DGKI: variants seen among roughly 807,000 people sequenced by gnomAD.
DGKI encodes diacylglycerol kinase iota.
In DGKI, 55 loss-of-function variants were observed where a neutral mutation model predicts 147.5. The ratio of observed to expected loss-of-function variants is 0.37; its 90% CI spans 0.30 to 0.47. DGKI has a LOEUF of 0.47. Among genes scored for constraint, DGKI ranks in the 20% least tolerant of loss-of-function variants. The probability of loss-of-function intolerance (pLI) is 1.00; values close to 1 mark genes in which losing one functional copy is unlikely to be tolerated. For missense variants in DGKI, 1,007 were observed against 1,323.8 expected (o/e 0.76, Z 3.71); for synonymous variants, 469 against 477.1 (o/e 0.98, Z 0.22).
intron 6 of DGKI, among the ~76,000 whole-genome samples, chr7:137,637,335 C>T (rs1458879096): frequency 6.6e-6 from 1 of 152,170 alleles, no homozygotes; most frequent in Admixed American, 6.5e-5. Flanking sequence ...TAATAATATG[C>T]CTATCTTTTT....
intron 23 of DGKI, among the ~76,000 whole-genome samples, chr7:137,472,563 T>C (rs1286890389): frequency 1.3e-5 from 2 of 149,894 alleles, no homozygotes; most frequent in African/African-American, 4.9e-5. Context: ...AATCTTGACA[T>C]GTGCTTAGTA....
chr7:137,395,743 G>A (rs368986784), intron 31 of DGKI, 46 bp from the exon 32 acceptor site: 2 of 1,580,450 alleles, frequency 1.3e-6, no homozygotes, highest in Admixed American at 1.7e-5. Context: ...GGGGTTGGAG[G>A]CAGCAGGGAA....
chr7:137,472,852 T>C (rs1238080528), intron 23 of DGKI, among the ~76,000 whole-genome samples: 1 of 152,096 alleles, frequency 6.6e-6, no homozygotes, highest in Non-Finnish European at 1.5e-5. Flanking sequence ...AAGGACACTT[T>C]CTGCATTTTG....
intron 1 of DGKI, among the ~76,000 whole-genome samples, chr7:137,734,290 T>C (rs1585423169): frequency 6.6e-6 from 1 of 152,150 alleles, no homozygotes; most frequent in East Asian, 1.9e-4. Flanking sequence ...AATCTAAAAA[T>C]CTACAGAATG....
intron 3 of DGKI, among the ~76,000 whole-genome samples, chr7:137,659,503 A>G (rs1173932465): frequency 1.3e-5 from 2 of 152,248 alleles, no homozygotes; most frequent in Non-Finnish European, 2.9e-5. Flanking sequence ...GTTCCCAGCT[A>G]TACACAAAGG....
At chr7:137,722,472 G>C in intron 1 of DGKI, 1 of 1,610,192 alleles carries the variant, frequency 6.2e-7, no homozygotes, top group Non-Finnish European at 8.5e-7. Context: ...GCAAGAGGGT[G>C]GTTTTCCTGA....
At chr7:137,599,972 A>T (rs1462737208) in intron 10 of DGKI, 67 bp from the exon 11 acceptor site, 3 of 1,309,930 alleles carry the variant, frequency 2.3e-6, no homozygotes, top group African/African-American at 3.0e-5. Context: ...CTGCTCATTT[A>T]AAAAATAAAT....
At chr7:137,524,243 G>T (rs1056295914) in intron 20 of DGKI, among the ~76,000 whole-genome samples, 24 of 152,070 alleles carry the variant, frequency 1.6e-4, no homozygotes, top group African/African-American at 5.8e-4. Context: ...AATTATATAT[G>T]GCATAAGCTC....
intron 10 of DGKI, 26 bp from the exon 11 acceptor site, chr7:137,599,931 G>A (rs369989075): frequency 6.4e-7 from 1 of 1,569,852 alleles, no homozygotes; most frequent in African/African-American, 1.4e-5. Context: ...ACACAAAAAG[G>A]CAATAATAGG....
chr7:137,585,186 T>C (rs1374741637), intron 14 of DGKI, 23 bp downstream of exon 14: 3 of 1,613,798 alleles, frequency 1.9e-6, no homozygotes, highest in South Asian at 2.2e-5. Flanking sequence ...GGCTCCTTTC[T>C]GCAGAACAAA....
chr7:137,730,866 A>G (rs1427249369), intron 1 of DGKI, among the ~76,000 whole-genome samples: 1 of 152,038 alleles, frequency 6.6e-6, no homozygotes, highest in Non-Finnish European at 1.5e-5. Context: ...ATTAATGTAA[A>G]AGGTACAATA....
chr7:137,786,925 T>C (rs1219657364), intron 1 of DGKI, among the ~76,000 whole-genome samples: 2 of 152,124 alleles, frequency 1.3e-5, no homozygotes, highest in African/African-American at 4.8e-5. Flanking sequence ...AAGTCACATG[T>C]AGCAGAATGA....
intron 23 of DGKI, among the ~76,000 whole-genome samples, chr7:137,472,399 T>TATATGTATATATACATATTATA (rs1815009258): frequency 1.8e-5 from 2 of 108,744 alleles, no homozygotes; most frequent in African/African-American, 4.5e-5. Context: ...ATATTATAAT[T>TATATGTATATATACATATTATA]ATTATATGTA....
intron 28 of DGKI, among the ~76,000 whole-genome samples, chr7:137,412,861 T>C (rs1313006196): frequency 5.3e-5 from 8 of 151,826 alleles, no homozygotes; most frequent in African/African-American, 9.7e-5. Flanking sequence ...ATGATTCTTA[T>C]GGAAAAAAAA....
rs113872475 is a variant in DGKI, at chr7:137,719,743, C to CT, written c.402-29742dup. On this transcript the variant is annotated intron_variant, in intron 1 of 32. Coordinates refer to ENST00000614521, the MANE Select transcript of DGKI (RefSeq NM_001321708.2). ...ACTCTCTAGCTGGAATTTACCTTTA[C>CT]TTTGTCATTTCTGTTACTCAGGCCT... 2.8e-3 allele frequency among the ~76,000 whole-genome samples: 434 copies of CT among 152,282 alleles called. 2 individuals are homozygous for CT. The highest frequency in any genetic ancestry group is 0.01 in the African/African-American group (423 of 41,550).
At chr7:137,501,470 C>A (rs781223480) in intron 21 of DGKI, among the ~76,000 whole-genome samples, 3 of 152,134 alleles carry the variant, frequency 2.0e-5, no homozygotes, top group Non-Finnish European at 4.4e-5. Context: ...GGTGGCCATA[C>A]TAATTTACAT....
intron 19 of DGKI, among the ~76,000 whole-genome samples, chr7:137,564,236 A>G (rs1818509964): frequency 6.6e-6 from 1 of 152,198 alleles, no homozygotes; most frequent in Admixed American, 6.5e-5. Context: ...TTTGAGCTGA[A>G]TCATATACTT....
chr7:137,533,372 C>T (rs992176393), intron 20 of DGKI, among the ~76,000 whole-genome samples: 1 of 151,864 alleles, frequency 6.6e-6, no homozygotes, highest in Non-Finnish European at 1.5e-5. Flanking sequence ...TTTGATGCTA[C>T]AAATACTAAA....
At chr7:137,565,827 A>G (rs1004774971) in intron 19 of DGKI, among the ~76,000 whole-genome samples, 4 of 152,204 alleles carry the variant, frequency 2.6e-5, no homozygotes, top group South Asian at 2.1e-4. Flanking sequence ...TAATCAGATT[A>G]CCCAGCACCC....
Sources: allele counts gnomAD v4.1 joint callset (sites outside exome capture counted in the v4.1 genomes callset), GRCh38; gene constraint gnomAD v4.1.1; transcripts MANE v1.5; gene names NCBI Gene and HGNC (gene_info 2026-07-23, HGNC 2026-07-21).